Variants in CACNA2D3 observed in about 807,000 individuals in gnomAD.
CACNA2D3 encodes calcium voltage-gated channel auxiliary subunit alpha2delta 3.
CACNA2D3 carries 60 observed loss-of-function variants against 160.6 expected under a neutral mutation model. The observed-to-expected ratio is 0.37, with a 90% CI of 0.30 to 0.46. The LOEUF (loss-of-function observed/expected upper bound fraction) is 0.46, where lower values mean the gene tolerates loss of function less well. CACNA2D3 is among the 20% of genes least tolerant of loss of function. The pLI is 1.00. For synonymous variants in CACNA2D3, 558 were observed against 492.9 expected (o/e 1.13, Z -1.75); for missense variants, 1,205 against 1,365.0 (o/e 0.88, Z 1.85).
chr3:54,972,004 T>C (rs111606732), intron 29 of CACNA2D3, among the ~76,000 whole-genome samples: 1 of 151,214 alleles, frequency 6.6e-6, no homozygotes, highest in Admixed American at 6.6e-5. Flanking sequence ...TTTATAAATT[T>C]AAAAAAAAAC....
chr3:54,365,782 G>C (rs2107544876), intron 3 of CACNA2D3, among the ~76,000 whole-genome samples: 1 of 152,288 alleles, frequency 6.6e-6, no homozygotes, highest in South Asian at 2.1e-4. Context: ...AGAATCACTT[G>C]AACTTGGGAG....
chr3:54,402,067 A>C (rs1272230311), intron 4 of CACNA2D3, among the ~76,000 whole-genome samples: 2 of 152,198 alleles, frequency 1.3e-5, no homozygotes, highest in East Asian at 3.8e-4. Context: ...AAAATATCCT[A>C]TTATAACTGT....
intron 27 of CACNA2D3, among the ~76,000 whole-genome samples, chr3:54,954,305 T>C (rs1307019394): frequency 6.6e-6 from 1 of 152,136 alleles, no homozygotes; most frequent in African/African-American, 2.4e-5. Context: ...CACGAACACT[T>C]CCCCACTGAG....
intron 11 of CACNA2D3, among the ~76,000 whole-genome samples, chr3:54,677,218 C>T (rs1377103060): frequency 6.6e-6 from 1 of 152,032 alleles, no homozygotes; most frequent in South Asian, 2.1e-4. Flanking sequence ...AGTCTTATAC[C>T]CATTTACTAG....
chr3:54,449,088 T>C (rs1184145916), intron 4 of CACNA2D3, among the ~76,000 whole-genome samples: 2 of 152,234 alleles, frequency 1.3e-5, no homozygotes, highest in South Asian at 2.1e-4. Context: ...AACTGTAGTT[T>C]TGAATCTCCA....
chr3:54,361,167 T>C (rs1438573316), intron 3 of CACNA2D3, among the ~76,000 whole-genome samples: 2 of 151,644 alleles, frequency 1.3e-5, no homozygotes, highest in Admixed American at 1.3e-4. Context: ...ACTGTTGTTT[T>C]TATGGAAGGT....
chr3:54,693,844 AAAG>A (rs1277272455), intron 11 of CACNA2D3, among the ~76,000 whole-genome samples: 7 of 152,320 alleles, frequency 4.6e-5, no homozygotes, highest in South Asian at 2.1e-4. Flanking sequence ...ATAAAGATAT[AAAG>A]AAAATATTTT....
intron 34 of CACNA2D3, among the ~76,000 whole-genome samples, chr3:55,011,177 G>T (rs753152151): frequency 4.6e-5 from 7 of 152,200 alleles, no homozygotes; most frequent in Non-Finnish European, 8.8e-5. Flanking sequence ...CTGATAACTG[G>T]GAGCCTAATC....
At chr3:54,628,225 C>A (rs1298007171) in intron 10 of CACNA2D3, among the ~76,000 whole-genome samples, 3 of 148,438 alleles carry the variant, frequency 2.0e-5, no homozygotes, top group Non-Finnish European at 3.0e-5. Context: ...GACTCCGTCT[C>A]AAAAAAAAAT....
intron 11 of CACNA2D3, among the ~76,000 whole-genome samples, chr3:54,752,080 A>G (rs1334628864): frequency 6.6e-6 from 1 of 152,214 alleles, no homozygotes; most frequent in African/African-American, 2.4e-5. Context: ...TCTCCTGGCC[A>G]CAGGCTGTGT....
At chr3:54,678,498 G>A (rs368341129) in intron 11 of CACNA2D3, among the ~76,000 whole-genome samples, 3 of 151,946 alleles carry the variant, frequency 2.0e-5, no homozygotes, top group South Asian at 2.1e-4. Context: ...CAAGGAGGGC[G>A]GATCATGAGG....
At chr3:54,482,316 A>G (rs1244217122) in intron 4 of CACNA2D3, among the ~76,000 whole-genome samples, 2 of 152,212 alleles carry the variant, frequency 1.3e-5, no homozygotes, top group Non-Finnish European at 2.9e-5. Context: ...TAATATGGCT[A>G]TAGCTTCTGC....
intron 2 of CACNA2D3, among the ~76,000 whole-genome samples, chr3:54,311,358 C>T (rs1337019237): frequency 2.6e-5 from 4 of 152,194 alleles, no homozygotes; most frequent in Admixed American, 2.0e-4. Flanking sequence ...TGTCCTGCCT[C>T]ATAATGACTC....
chr3:54,688,162 C>T (rs1344769564), intron 11 of CACNA2D3, among the ~76,000 whole-genome samples: 1 of 152,154 alleles, frequency 6.6e-6, no homozygotes, highest in Non-Finnish European at 1.5e-5. Context: ...AGGTGAATAG[C>T]AAACATGACT....
chr3:54,993,054 AATCTGCCCCCATGATGCAATCACTTCC>A (rs1702777077), intron 31 of CACNA2D3, among the ~76,000 whole-genome samples: 1 of 152,252 alleles, frequency 6.6e-6, no homozygotes, highest in South Asian at 2.1e-4. Context: ...CAAGGGGGGA[AATCTGCCCCCATGATGCAATCACTTCC>A]ATCTGCCCCC....
At chr3:54,576,287 T>G (rs1482756719) in intron 8 of CACNA2D3, among the ~76,000 whole-genome samples, 2 of 152,122 alleles carry the variant, frequency 1.3e-5, no homozygotes, top group Admixed American at 1.3e-4. Flanking sequence ...CTCTCTGGCT[T>G]TTGGACTGTG....
At position 54,794,689 on chromosome 3, in the gene CACNA2D3, C is replaced by T. The variant is rs1410458995; in HGVS notation, c.1381-22164C>T. On this transcript the variant is annotated intron_variant, in intron 13 of 37. Transcript: ENST00000474759. ...TCACTAGATACAGAATTCTAGTTTA[C>T]AGTTGTTTTCTTATAATACTTGAAA... Among the ~76,000 whole-genome samples, 4 of 150,736 alleles carry T rather than the reference C, an allele frequency of 2.7e-5. No individual in the cohort carries two copies. The East Asian group carries it at 7.8e-4, about 29-fold the overall frequency.
chr3:54,184,741 T>C (rs747477580), intron 2 of CACNA2D3, among the ~76,000 whole-genome samples: 1 of 152,216 alleles, frequency 6.6e-6, no homozygotes, highest in African/African-American at 2.4e-5. Flanking sequence ...CATTTCTTTG[T>C]TTTTTCTTTG....
chr3:54,596,685 C>T (rs945672628), intron 9 of CACNA2D3, among the ~76,000 whole-genome samples: 12 of 152,056 alleles, frequency 7.9e-5, no homozygotes, highest in African/African-American at 2.9e-4. Flanking sequence ...CTTCGTCTTT[C>T]CTGATCCAGC....
Sources: gnomAD v4.1 joint callset for allele counts (sites outside exome capture counted in the v4.1 genomes callset) on GRCh38, gnomAD v4.1.1 for gene constraint, MANE v1.5 for transcripts, NCBI Gene and HGNC (gene_info 2026-07-23, HGNC 2026-07-21) for gene names.